ECI2: variants seen among roughly 807,000 people sequenced by gnomAD.
The protein encoded by ECI2 is D3,D2-enoyl-CoA isomerase.
A neutral mutation model predicts 38.4 loss-of-function variants in ECI2; 27 were observed. The ratio of observed to expected loss-of-function variants is 0.70; its 90% CI spans 0.52 to 0.97. The LOEUF is 0.97. ECI2 is among the 50% of genes least tolerant of loss of function. ECI2 has a pLI of 0.00. For missense variants in ECI2, 470 were observed against 474.4 expected (o/e 0.99, Z 0.09); for synonymous variants, 168 against 172.0 (o/e 0.98, Z 0.18).
chr6:4,127,888 C>G (rs1773279393), intron 4 of ECI2, 57 bp from the exon 5 acceptor site: 1 of 1,518,280 alleles, frequency 6.6e-7, no homozygotes, highest in Non-Finnish European at 9.0e-7. Context: ...AATCATCAAT[C>G]AATGGACTCA....
chr6:4,124,936 T>G (rs1407330923), intron 7 of ECI2: 1 of 466,960 alleles, frequency 2.1e-6, no homozygotes, highest in Non-Finnish European at 4.3e-6. Flanking sequence ...ATGCTATTCC[T>G]CCCTCCCATA....
Position 4,130,430 on chromosome 6 carries a change from T to A in ECI2, c.443A>T (p.Asp148Val). 1 of 1,614,236 alleles carries A rather than the reference T, an allele frequency of 6.2e-7. No individual in the cohort carries two copies. The highest frequency in any genetic ancestry group is 8.5e-7 in the Non-Finnish European group (1 of 1,180,034). ...GTTGAACATGATCTTTGTGATGCCATCTTCGGAGGTCACCACCAGAGTTTC... is the reference window on the plus strand; with the variant it reads ...GTTGAACATGATCTTTGTGATGCCAACTTCGGAGGTCACCACCAGAGTTTC... ...GFETLVVTSE[D>V]GITKIMFNRP... The change falls in exon 4 of 10, where the codon GAT becomes GTT. Residue 148 changes from aspartate (D) to valine (V), a missense_variant. Transcript: ENST00000380118.
intron 5 of ECI2, among the ~76,000 whole-genome samples, chr6:4,126,515 C>T (rs1021772368): frequency 6.6e-6 from 1 of 152,302 alleles, no homozygotes; most frequent in Middle Eastern, 3.4e-3. Context: ...CAGGAAAGAA[C>T]TTTCCTAAGG....
At chr6:4,116,078 C>T (rs774134854) in intron 9 of ECI2, 49 bp from the exon 10 acceptor site, 25 of 1,575,968 alleles carry the variant, frequency 1.6e-5, no homozygotes, top group East Asian at 2.3e-5. Context: ...CTAGGCTGGA[C>T]GTGGACTCAT....
rs769760412 is a variant in ECI2, at chr6:4,115,953, T to C, written c.1106A>G (p.Asn369Ser). The C allele has an allele frequency of 3.2e-5, 52 of 1,614,048 alleles. No homozygotes were observed. In the South Asian group the frequency reaches 4.8e-4, roughly 15 times the overall value. The part of the protein sequence containing the change: ...KLHAVNAEEC[N>S]VLQGRWLSDE... ...TGATAGCCATCTTCCCTGAAGGACA[T>C]TGCATTCTTCAGCATTAACAGCGTG... Residue 369 changes from asparagine to serine, a missense_variant, in exon 10 of 10, where the codon AAT (asparagine) becomes AGT (serine). Physicochemically the swap from Asn to Ser is conservative, Grantham distance 46 (BLOSUM62 1). Coordinates refer to ENST00000380118, the MANE Select transcript of ECI2 (RefSeq NM_206836.3).
Position 4,135,495 on chromosome 6 carries a change from G to C in ECI2, c.50+16C>G. 1 of 1,612,246 alleles carries C rather than the reference G, an allele frequency of 6.2e-7. No individual in the cohort carries two copies. Among genetic ancestry groups the C allele is most frequent in the Non-Finnish European group, 8.5e-7 (1 of 1,179,666 alleles). The stretch of plus-strand genomic sequence containing the variant: ...GCGGGCGACCATGGGCCGAACGGCC[G>C]GGACTCCAAGCTTACCTCGGACACG... On this transcript the variant is annotated intron_variant, in intron 1 of 9. Coordinates refer to ENST00000380118, the MANE Select transcript of ECI2 (RefSeq NM_206836.3).
chr6:4,127,546 C>A (rs181655331), intron 5 of ECI2, among the ~76,000 whole-genome samples: 224 of 151,374 alleles, frequency 1.5e-3, no homozygotes, highest in African/African-American at 5.2e-3. Context: ...TCCTGAGTAG[C>A]TGGGATTACA....
rs1206607799 is a variant in ECI2 at position 4,119,248 on chromosome 6, G to C, written c.823C>G (p.Leu275Val). Residue 275 changes from leucine (L) to valine (V), a missense_variant, in exon 8 of 10, where the codon CTA becomes GTA. Physicochemically the swap from Leu to Val is conservative, Grantham distance 32 (BLOSUM62 1). Transcript: ENST00000380118. ...RATFHTPFSH[L>V]GQSPEGCSSY... ...GAGCATCCTTCCGGACTTTGGCCTA[G>C]GTGACTAAATGGTGTATGAAATGTT... 5.6e-6 allele frequency: 9 copies of C among 1,613,680 alleles called. No individual in the cohort carries two copies. The East Asian group carries it at 2.0e-4, about 36-fold the overall frequency.
intron 8 of ECI2, 68 bp downstream of exon 8, chr6:4,119,118 T>G: frequency 2.5e-4 from 313 of 1,272,270 alleles, no homozygotes; most frequent in Middle Eastern, 3.8e-4. Flanking sequence ...GGAGAGTATA[T>G]GAGATTACTC....
rs1291218600 is a variant in ECI2 at position 4,133,576 on chromosome 6, C to CT, written c.185dup (p.Leu63AlafsTer8). 6.2e-7 allele frequency: 1 copy of CT among 1,613,628 alleles called. No individual in the cohort carries two copies. The highest frequency in any genetic ancestry group is 8.5e-7 in the Non-Finnish European group (1 of 1,179,782). ...GCTTATATAGCGCGTAGAGTTTTAGCTTCACTTCGTTTCCTGGATCCTTTT... is the reference window on the plus strand; with the variant it reads ...GCTTATATAGCGCGTAGAGTTTTAGCTTTCACTTCGTTTCCTGGATCCTTTT... On this transcript the variant is annotated frameshift_variant, in exon 2 of 10. Coordinates refer to ENST00000380118, the MANE Select transcript of ECI2 (RefSeq NM_206836.3). LOFTEE classifies it high-confidence loss of function.
intron 2 of ECI2, among the ~76,000 whole-genome samples, chr6:4,131,424 A>G (rs533127663): frequency 4.5e-4 from 68 of 152,316 alleles, no homozygotes; most frequent in African/African-American, 1.6e-3. Flanking sequence ...ATTAAATTTT[A>G]TTTTTGAGGC....
chr6:4,119,048 T>G, intron 8 of ECI2, 138 bp downstream of exon 8: 1 of 709,186 alleles, frequency 1.4e-6, no homozygotes, highest in Non-Finnish European at 2.2e-6. Context: ...GTAAAACTCT[T>G]AAAGAGTTGA....
At chr6:4,116,061 A>G (rs1482459762) in intron 9 of ECI2, 32 bp from the exon 10 acceptor site, 1 of 1,600,254 alleles carries the variant, frequency 6.2e-7, no homozygotes, top group Non-Finnish European at 8.5e-7. Context: ...TAAGGTTAAG[A>G]GTTGACCTAG....
At chr6:4,127,714 G>A in intron 5 of ECI2, 48 bp downstream of exon 5, 2 of 1,576,644 alleles carry the variant, frequency 1.3e-6, no homozygotes, top group Non-Finnish European at 1.7e-6. Flanking sequence ...CTATTAAGAG[G>A]CCCCTCAAAA....
chr6:4,125,192 CAAAGG>C, intron 7 of ECI2, 53 bp downstream of exon 7: 1 of 1,596,404 alleles, frequency 6.3e-7, no homozygotes, highest in Non-Finnish European at 8.6e-7. Context: ...AAGGAGGATT[CAAAGG>C]CTCTCATCTC....
intron 1 of ECI2, chr6:4,135,224 G>A (rs1773669956): frequency 4.5e-6 from 4 of 892,074 alleles, no homozygotes; most frequent in Non-Finnish European, 6.9e-6. Context: ...GCCCCAGGAG[G>A]ATGGGAGCGT....
At chr6:4,126,648 G>A (rs1773178740) in intron 5 of ECI2, among the ~76,000 whole-genome samples, 1 of 152,158 alleles carries the variant, frequency 6.6e-6, no homozygotes, top group African/African-American at 2.4e-5. Flanking sequence ...TATCCCCACT[G>A]TAGATGAAGT....
chr6:4,123,334 G>A (rs1772932196), intron 7 of ECI2, among the ~76,000 whole-genome samples: 1 of 151,552 alleles, frequency 6.6e-6, no homozygotes, highest in Non-Finnish European at 1.5e-5. Flanking sequence ...CCGCCACCAA[G>A]CCCGGCTAAT....
chr6:4,134,365 T>C (rs567899281), intron 1 of ECI2, among the ~76,000 whole-genome samples: 5 of 152,208 alleles, frequency 3.3e-5, no homozygotes, highest in Admixed American at 1.3e-4. Flanking sequence ...CCCCTTTCTA[T>C]GGGTATGTTT....
Sources: allele counts gnomAD v4.1 joint callset (sites outside exome capture counted in the v4.1 genomes callset), GRCh38; gene constraint gnomAD v4.1.1; transcripts MANE v1.5; gene names NCBI Gene and HGNC (gene_info 2026-07-23, HGNC 2026-07-21).